The following IGFBP1 variants were observed in gnomAD, a reference collection of about 807,000 sequenced individuals.
IGFBP1 encodes insulin-like growth factor-binding protein 1.
In IGFBP1, 31 loss-of-function variants were observed where a neutral mutation model predicts 23.1. That is an observed-to-expected ratio of 1.34 (90% CI 1.01 to 1.81). IGFBP1 has a LOEUF of 1.81. Ranked by LOEUF, IGFBP1 falls within the 40% of genes most tolerant of loss-of-function variation. The pLI, the probability that IGFBP1 is intolerant of heterozygous loss-of-function variation, is 0.00. For missense variants in IGFBP1, 333 were observed against 342.2 expected (o/e 0.97, Z 0.21); for synonymous variants, 148 against 145.5 (o/e 1.02, Z -0.13).
chr7:45,893,008 C>G lies in IGFBP1; in HGVS notation c.697C>G (p.Pro233Ala). 1 of 1,613,142 alleles carries G rather than the reference C, an allele frequency of 6.2e-7. No homozygotes were observed. Among genetic ancestry groups the G allele is most frequent in the Admixed American group, 1.7e-5 (1 of 60,016 alleles). Residue 233 changes from proline (P) to alanine (A), a missense_variant, in exon 4 of 4, where the codon CCT becomes GCT. Coordinates refer to ENST00000275525, the MANE Select transcript of IGFBP1 (RefSeq NM_000596.4). ...GGCGGGACTCTGCTGGTGCGTCTAC[C>G]CTTGGAATGGGAAGAGGATCCCTGG... ...GEAGLCWCVY[P>A]WNGKRIPGSP...
At position 45,888,527 on chromosome 7, in the gene IGFBP1, G is replaced by A; in HGVS notation, c.-126G>A. On this transcript the variant is annotated 5_prime_UTR_variant, in exon 1 of 4. Transcript: ENST00000275525. ...TCCCATCCAGCGAGCATCTGCCGCC[G>A]CGCCGCCGCCACCCTCCCAGAGAGC... 1.3e-6 allele frequency: 1 copy of A among 772,768 alleles called. No homozygotes were observed. The highest frequency in any genetic ancestry group is 2.1e-6 in the Non-Finnish European group (1 of 484,660). 47.9% of individuals were successfully genotyped at this position (772,768 alleles called of 1,614,324 possible). A position where few individuals can be genotyped will look rare whatever the true frequency, so the allele number is the denominator to read the frequency against.
rs1317620826 is a variant in IGFBP1, at chr7:45,888,886, C to T, written c.234C>T (p.Cys78=). 2 of 1,501,394 alleles carry T rather than the reference C, an allele frequency of 1.3e-6. No homozygotes were observed. The highest frequency in any genetic ancestry group is 1.8e-6 in the Non-Finnish European group (2 of 1,136,146). 93.0% of individuals were successfully genotyped at this position (1,501,394 alleles called of 1,614,324 possible). The part of the protein sequence containing the change: ...GAACGVATAR[C]ARGLSCRALP... ...CGTGCGGCGTGGCGACTGCACGCTGCGCCCGGGGACTCAGTTGCCGCGCGC... is the reference window on the plus strand; with the variant it reads ...CGTGCGGCGTGGCGACTGCACGCTGTGCCCGGGGACTCAGTTGCCGCGCGC... The change falls in exon 1 of 4, where the codon TGC becomes TGT. Residue 78 remains cysteine (C), a synonymous_variant. Coordinates refer to ENST00000275525, the MANE Select transcript of IGFBP1 (RefSeq NM_000596.4).
chr7:45,889,118 A>T (rs1787036451), intron 1 of IGFBP1, 117 bp downstream of exon 1: 4 of 754,434 alleles, frequency 5.3e-6, no homozygotes, highest in Non-Finnish European at 8.0e-6. Context: ...GCTTGTCCAC[A>T]ACTAGAGCTT....
Position 45,893,443 on chromosome 7 carries a change from TAAG to T in IGFBP1, c.*354_*356del, listed in dbSNP as rs940759921. On this transcript the variant is annotated 3_prime_UTR_variant, in exon 4 of 4. Coordinates refer to ENST00000275525, the MANE Select transcript of IGFBP1 (RefSeq NM_000596.4). The stretch of plus-strand genomic sequence containing the variant: ...ACTGCCTAGAAAATGCAAAATGAAA[TAAG>T]AGAGAGTAGTTTTTCAGCTAGTTTG... 4 of 152,480 alleles carry T rather than the reference TAAG, an allele frequency of 2.6e-5. No homozygotes were observed. Among genetic ancestry groups the T allele is most frequent in the Admixed American group, 2.6e-4 (4 of 15,294 alleles). 9.4% of individuals were successfully genotyped at this position (152,480 alleles called of 1,614,324 possible).
chr7:45,893,133 ATATAG>A lies in IGFBP1; in HGVS notation c.*47_*51del, dbSNP rs750379996. On this transcript the variant is annotated 3_prime_UTR_variant, in exon 4 of 4. Coordinates refer to ENST00000275525, the MANE Select transcript of IGFBP1 (RefSeq NM_000596.4). ...GTTCTGTCACGTGAAATATTTAAGT[ATATAG>A]TATATTTATACTCTAGAACATGCAC... The A allele has an allele frequency of 9.9e-6, 14 of 1,416,684 alleles. No homozygotes were observed. Among genetic ancestry groups the A allele is most frequent in the Non-Finnish European group, 1.4e-5 (14 of 1,011,894 alleles). The allele number at this position is 1,416,684 out of a possible 1,614,324, so 87.8% of individuals were successfully genotyped here. A position where few individuals can be genotyped will look rare whatever the true frequency, so the allele number is the denominator to read the frequency against.
chr7:45,891,674 C>G (rs1037577463), intron 2 of IGFBP1, among the ~76,000 whole-genome samples: 1 of 152,250 alleles, frequency 6.6e-6, no homozygotes, highest in Admixed American at 6.5e-5. Flanking sequence ...GGGGATGTCT[C>G]TGTGCAGGTG....
chr7:45,889,043 G>GC, intron 1 of IGFBP1, 42 bp downstream of exon 1: 1 of 1,412,700 alleles, frequency 7.1e-7, no homozygotes, highest in Non-Finnish European at 9.3e-7. Context: ...CCTGCCGCCC[G>GC]CCCCCGCCCG....
chr7:45,890,424 G>T, intron 1 of IGFBP1, 124 bp from the exon 2 acceptor site: 2 of 947,150 alleles, frequency 2.1e-6, no homozygotes, highest in Non-Finnish European at 3.2e-6. Flanking sequence ...TGAAAATCAG[G>T]TTAGGGAATG....
Position 45,889,061 on chromosome 7 carries a change from C to A in IGFBP1, c.349+60C>A, listed in dbSNP as rs1787035256. On this transcript the variant is annotated intron_variant, in intron 1 of 3. Coordinates refer to ENST00000275525, the MANE Select transcript of IGFBP1 (RefSeq NM_000596.4). ...GCCGCCCGCCCCCGCCCGGCACCTC[C>A]CGCCCCCACTCCCCTAACTACTGGG... 8 of 1,288,952 alleles carry A rather than the reference C, an allele frequency of 6.2e-6. No individual in the cohort carries two copies. The South Asian group carries it at 1.2e-4, about 19-fold the overall frequency. The allele number at this position is 1,288,952 out of a possible 1,614,324, so 79.8% of individuals were successfully genotyped here. A position where few individuals can be genotyped will look rare whatever the true frequency, so the allele number is the denominator to read the frequency against.
intron 2 of IGFBP1, among the ~76,000 whole-genome samples, chr7:45,891,107 T>G (rs1787072937): frequency 6.6e-6 from 1 of 152,226 alleles, no homozygotes; most frequent in Non-Finnish European, 1.5e-5. Flanking sequence ...ATGTACTGTT[T>G]TAACTATTTT....
chr7:45,888,662 G>A lies in IGFBP1; in HGVS notation c.10G>A (p.Val4Ile). ...CTGCTCGCGCCTGGAGATGTCAGAG[G>A]TCCCCGTTGCTCGCGTCTGGCTGGT... is the stretch of plus-strand genomic sequence containing the variant. MSE[V>I]PVARVWLVLL... The change falls in exon 1 of 4, where the codon GTC becomes ATC. Residue 4 changes from valine to isoleucine, a missense_variant. Transcript: ENST00000275525. 6.3e-7 allele frequency: 1 copy of A among 1,597,752 alleles called. No individual in the cohort carries two copies. The highest frequency in any genetic ancestry group is 1.1e-5 in the South Asian group (1 of 90,688).
chr7:45,892,182 T>C lies in IGFBP1; in HGVS notation c.648+122T>C, dbSNP rs1424333030. On this transcript the variant is annotated intron_variant, in intron 3 of 3. Transcript: ENST00000275525. ...CCAAAGTAGACACCAGAAGTGGTTG[T>C]ATTGAGCCAGATCCACCCCTCTGGG... 1.8e-5 allele frequency: 19 copies of C among 1,075,468 alleles called. No individual in the cohort carries two copies. In the East Asian group the frequency reaches 3.7e-4, roughly 21 times the overall value. The allele number at this position is 1,075,468 out of a possible 1,614,324, so 66.6% of individuals were successfully genotyped here.
Position 45,893,166 on chromosome 7 carries a change from TTA to T in IGFBP1, c.*85_*86del, listed in dbSNP as rs940787456. On this transcript the variant is annotated 3_prime_UTR_variant, in exon 4 of 4. Coordinates refer to ENST00000275525, the MANE Select transcript of IGFBP1 (RefSeq NM_000596.4). The stretch of plus-strand genomic sequence containing the variant: ...TATTTATACTCTAGAACATGCACAT[TTA>T]TATATATATGTATATGTATATATAT... 3.8e-5 allele frequency: 31 copies of T among 822,890 alleles called. No homozygotes were observed. The highest frequency in any genetic ancestry group is 6.4e-5 in the South Asian group (3 of 46,916). 51.0% of individuals were successfully genotyped at this position (822,890 alleles called of 1,614,324 possible). A position where few individuals can be genotyped will look rare whatever the true frequency, so the allele number is the denominator to read the frequency against.
rs9658209 is a variant in IGFBP1 at position 45,890,657 on chromosome 7, C to T, written c.459C>T (p.Asp153=). Residue 153 remains aspartate, a synonymous_variant, in exon 2 of 4, where the codon GAC becomes GAT. Coordinates refer to ENST00000275525, the MANE Select transcript of IGFBP1 (RefSeq NM_000596.4). ...AAGAGGATCATTCCATCCTTTGGGA[C>T]GCCATCAGTACCTATGATGGCTCGA... ...PSEEDHSILW[D]AISTYDGSKA... is the part of the protein sequence containing the mutation. 6.2e-5 allele frequency: 100 copies of T among 1,613,750 alleles called. No homozygotes were observed. In the East Asian group the frequency reaches 6.9e-4, roughly 11 times the overall value.
chr7:45,893,089 T>C lies in IGFBP1; in HGVS notation c.778T>C (p.Ter260ArgextTer5), dbSNP rs778759405. Residue 260 changes from the stop codon to arginine, a stop_lost, in exon 4 of 4, where the codon TGA becomes CGA. Coordinates refer to ENST00000275525, the MANE Select transcript of IGFBP1 (RefSeq NM_000596.4). Reference sequence around the variant, plus strand: ...CCAGATATATTTTAATGTACAAAACTGAAACCAGATGAAATAATGTTCTGT... The same window carrying C: ...CCAGATATATTTTAATGTACAAAACCGAAACCAGATGAAATAATGTTCTGT... The part of the protein sequence containing the change: ...NCQIYFNVQN[*>R] The C allele has an allele frequency of 1.9e-6, 3 of 1,604,936 alleles. No homozygotes were observed. The highest frequency in any genetic ancestry group is 1.7e-4 in the Middle Eastern group (1 of 5,964).
At position 45,888,525 on chromosome 7, in the gene IGFBP1, C is replaced by T. The variant is rs1313080229; in HGVS notation, c.-128C>T. ...CATCCCATCCAGCGAGCATCTGCCG[C>T]CGCGCCGCCGCCACCCTCCCAGAGA... On this transcript the variant is annotated 5_prime_UTR_variant, in exon 1 of 4. Transcript: ENST00000275525. 2.6e-6 allele frequency: 2 copies of T among 759,662 alleles called. No homozygotes were observed. The highest frequency in any genetic ancestry group is 1.8e-5 in the African/African-American group (1 of 55,044). 47.1% of individuals were successfully genotyped at this position (759,662 alleles called of 1,614,324 possible). A position where few individuals can be genotyped will look rare whatever the true frequency, so the allele number is the denominator to read the frequency against.
In IGFBP1 at chr7:45,888,774, G is replaced by A. The variant is rs746935293; in HGVS notation, c.122G>A (p.Cys41Tyr). The A allele has an allele frequency of 1.9e-6, 3 of 1,563,392 alleles. No individual in the cohort carries two copies. In the Admixed American group the frequency reaches 5.5e-5, roughly 29 times the overall value. ...TGCTCCGCCGAGAAGCTCGCGCTCT[G>A]CCCGCCGGTGTCCGCCTCGTGCTCG... ...APCSAEKLAL[C>Y]PPVSASCSEV... Residue 41 changes from cysteine to tyrosine, a missense_variant, in exon 1 of 4, where the codon TGC becomes TAC. Coordinates refer to ENST00000275525, the MANE Select transcript of IGFBP1 (RefSeq NM_000596.4).
At chr7:45,891,410 G>T (rs1787078271) in intron 2 of IGFBP1, among the ~76,000 whole-genome samples, 1 of 152,198 alleles carries the variant, frequency 6.6e-6, no homozygotes, top group Non-Finnish European at 1.5e-5. Flanking sequence ...TTTCATCTGA[G>T]AATAACGATA....
chr7:45,890,941 G>T (rs934427557), intron 2 of IGFBP1, among the ~76,000 whole-genome samples: 2 of 152,132 alleles, frequency 1.3e-5, no homozygotes, highest in Non-Finnish European at 2.9e-5. Context: ...ATGTAGTTCC[G>T]GACGATAGGT....
Sources: gnomAD v4.1 joint callset for allele counts (sites outside exome capture counted in the v4.1 genomes callset) on GRCh38, gnomAD v4.1.1 for gene constraint, MANE v1.5 for transcripts, NCBI Gene and HGNC (gene_info 2026-07-23, HGNC 2026-07-21) for gene names.